The following GLIS1 variants were observed in gnomAD, a reference collection of about 807,000 sequenced individuals.
GLIS1 encodes the protein GLIS family zinc finger 1.
GLIS1 carries 24 observed loss-of-function variants against 63.8 expected under a neutral mutation model. That is an observed-to-expected ratio of 0.38 (90% confidence interval 0.27 to 0.53). The LOEUF (loss-of-function observed/expected upper bound fraction) is 0.53, where lower values mean the gene tolerates loss of function less well. Among genes scored for constraint, GLIS1 ranks in the 20% least tolerant of loss-of-function variants. The pLI is 0.85. For synonymous variants in GLIS1, 450 were observed against 482.5 expected, an observed-to-expected ratio of 0.93 and a Z score of 0.88; for missense variants, 1,036 against 1,074.1, an observed-to-expected ratio of 0.96 and a Z score of 0.50.
intron 2 of GLIS1, among the ~76,000 whole-genome samples, chr1:53,629,705 G>C (rs777320840): frequency 4.9e-4 from 75 of 152,316 alleles, no homozygotes; most frequent in Non-Finnish European, 2.4e-4. Flanking sequence ...CAAGAGGCCT[G>C]ACCTTCCTCA....
chr1:53,506,712 C>T lies in GLIS1; in HGVS notation c.2295G>A (p.Val765=). 6.2e-7 allele frequency: 1 copy of T among 1,613,402 alleles called. No homozygotes were observed. The change falls in exon 11 of 11, where the codon GTG becomes GTA. Residue 765 remains valine (V), a synonymous_variant. Transcript: ENST00000628545. ...TALPQQPSED[V]VSSGPEDCGF... ...CACAGTCCTCGGGGCCGCTGGACACCACATCTTCAGATGGCTGCTGTGGCA... is the reference window on the plus strand; with the variant it reads ...CACAGTCCTCGGGGCCGCTGGACACTACATCTTCAGATGGCTGCTGTGGCA...
intron 2 of GLIS1, among the ~76,000 whole-genome samples, chr1:53,716,501 G>A (rs1526910): frequency 0.26 from 39,925 of 152,016 alleles, 5,662 homozygotes; most frequent in African/African-American, 0.37. Flanking sequence ...GTGGAACTCA[G>A]ATGAAATGAA....
intron 3 of GLIS1, among the ~76,000 whole-genome samples, chr1:53,596,638 C>T (rs938321229): frequency 4.6e-5 from 7 of 152,154 alleles, no homozygotes; most frequent in South Asian, 2.1e-4. Context: ...GCAGCCAGAG[C>T]TGTGGGGTCA....
At chr1:53,706,637 T>C (rs1311588110) in intron 2 of GLIS1, among the ~76,000 whole-genome samples, 1 of 152,236 alleles carries the variant, frequency 6.6e-6, no homozygotes, top group East Asian at 1.9e-4. Flanking sequence ...TTATCGGCCT[T>C]TAATGTCTCA....
chr1:53,729,902 G>A (rs1646842734), intron 2 of GLIS1, among the ~76,000 whole-genome samples: 1 of 152,184 alleles, frequency 6.6e-6, no homozygotes, highest in South Asian at 2.1e-4. Context: ...CCTGGGCTTT[G>A]CACTCAAATA....
chr1:53,558,070 AGTGCCCAGCCCTGCAG>A (rs1644850395), intron 4 of GLIS1, among the ~76,000 whole-genome samples: 1 of 152,220 alleles, frequency 6.6e-6, no homozygotes, highest in Non-Finnish European at 1.5e-5. Context: ...AGGGGCTGGC[AGTGCCCAGCCCTGCAG>A]TGGGTACTGC....
intron 4 of GLIS1, among the ~76,000 whole-genome samples, chr1:53,573,368 C>T (rs1645001976): frequency 6.6e-6 from 1 of 152,070 alleles, no homozygotes; most frequent in African/African-American, 2.4e-5. Flanking sequence ...GGGAGACCCT[C>T]CACCCCCTCC....
chr1:53,555,654 T>C (rs1343106908), intron 4 of GLIS1, among the ~76,000 whole-genome samples: 1 of 152,264 alleles, frequency 6.6e-6, no homozygotes, highest in Admixed American at 6.5e-5. Flanking sequence ...TACATGCCTG[T>C]ATCAAAATAG....
At position 53,506,543 on chromosome 1, in the gene GLIS1, C is replaced by T. The variant is rs1022939087; in HGVS notation, c.*76G>A. 1.1e-4 allele frequency: 160 copies of T among 1,480,578 alleles called. No individual in the cohort carries two copies. Among genetic ancestry groups the T allele is most frequent in the Non-Finnish European group, 1.4e-4 (148 of 1,072,496 alleles). The allele number at this position is 1,480,578 out of a possible 1,614,324, so 91.7% of individuals were successfully genotyped here. On this transcript the variant is annotated 3_prime_UTR_variant, in exon 11 of 11. Coordinates refer to ENST00000628545, the MANE Select transcript of GLIS1 (RefSeq NM_001367484.1). ...TGGCCTGGCACTCCTGCTAGGTGCACGGAGGGTGGGAGCGACAGCAGGTGG... is the reference window on the plus strand; with the variant it reads ...TGGCCTGGCACTCCTGCTAGGTGCATGGAGGGTGGGAGCGACAGCAGGTGG...
At chr1:53,564,430 A>G (rs1354726844) in intron 4 of GLIS1, among the ~76,000 whole-genome samples, 1 of 152,242 alleles carries the variant, frequency 6.6e-6, no homozygotes, top group Non-Finnish European at 1.5e-5. Flanking sequence ...AAGGAAGCAT[A>G]GGAAAAAGCA....
Position 53,507,864 on chromosome 1 carries a change from T to C in GLIS1, c.2231-1088A>G, listed in dbSNP as rs534525923. 5.9e-5 allele frequency among the ~76,000 whole-genome samples: 9 copies of C among 151,722 alleles called. No individual in the cohort carries two copies. The South Asian group carries it at 1.9e-3, about 32-fold the overall frequency. On this transcript the variant is annotated intron_variant, in intron 10 of 10. Transcript: ENST00000628545. ...AAATCCCATGTGGGCTGGATGGGGG[T>C]GGGGAGGACAAGATGGGGAGAGCCC...
At position 53,560,113 on chromosome 1, in the gene GLIS1, A is replaced by T. The variant is rs551704477; in HGVS notation, c.1321-30161T>A. 1.2e-3 allele frequency among the ~76,000 whole-genome samples: 186 copies of T among 152,296 alleles called. No homozygotes were observed. In the South Asian group the frequency reaches 0.012, roughly 10 times the overall value. On this transcript the variant is annotated intron_variant, in intron 4 of 10. Coordinates refer to ENST00000628545, the MANE Select transcript of GLIS1 (RefSeq NM_001367484.1). This position sits in a 1 kb window ranked among gnomAD's most constrained non-coding sequence, Gnocchi z 4.4. ...GCAGGATGAAGCACACACACAACATAAGGAATTTCTAACCAGGACTCTGCT... is the reference window on the plus strand; with the variant it reads ...GCAGGATGAAGCACACACACAACATTAGGAATTTCTAACCAGGACTCTGCT...
intron 4 of GLIS1, among the ~76,000 whole-genome samples, chr1:53,576,712 A>G (rs1298734844): frequency 6.6e-6 from 1 of 152,158 alleles, no homozygotes; most frequent in East Asian, 1.9e-4. Flanking sequence ...GTGCACACAC[A>G]TATGCACACA....
intron 2 of GLIS1, among the ~76,000 whole-genome samples, chr1:53,625,033 A>G (rs1298590553): frequency 6.6e-6 from 1 of 152,202 alleles, no homozygotes; most frequent in African/African-American, 2.4e-5. Context: ...AGGGCTGATG[A>G]CTGCTCTATC....
At chr1:53,738,148 CG>C (rs1646931735) in intron 1 of GLIS1, 42 bp from the exon 2 acceptor site, 3 of 1,153,798 alleles carry the variant, frequency 2.6e-6, no homozygotes, top group African/African-American at 3.2e-5. Flanking sequence ...ATGCGGAAAG[CG>C]GCCCCCGTAT....
At chr1:53,717,798 C>G (rs565620398) in intron 2 of GLIS1, among the ~76,000 whole-genome samples, 1 of 152,260 alleles carries the variant, frequency 6.6e-6, no homozygotes, top group African/African-American at 2.4e-5. Flanking sequence ...TTTGTGAGTA[C>G]AGACATTTTT....
chr1:53,627,973 T>TAGCCCTTGC (rs1333288441), intron 2 of GLIS1, among the ~76,000 whole-genome samples: 1 of 152,238 alleles, frequency 6.6e-6, no homozygotes, highest in East Asian at 1.9e-4. Context: ...CCCTTGCTCT[T>TAGCCCTTGC]TCTGCCCAAT....
chr1:53,521,287 G>A lies in GLIS1; in HGVS notation c.1594-521C>T, dbSNP rs181192934. On this transcript the variant is annotated intron_variant, in intron 6 of 10. Coordinates refer to ENST00000628545, the MANE Select transcript of GLIS1 (RefSeq NM_001367484.1). ...CAGGTGCGTTCTGTGCAGCCGCACC[G>A]GTGAATGGACGCGGTAGGAATAAAG... Among the ~76,000 whole-genome samples, 297 of 152,280 alleles carry A rather than the reference G, an allele frequency of 2.0e-3. 2 individuals are homozygous for A. Among genetic ancestry groups the A allele is most frequent in the Admixed American group, 5.4e-3 (83 of 15,306 alleles).
chr1:53,709,415 C>T (rs61774779), intron 2 of GLIS1, among the ~76,000 whole-genome samples: 1,588 of 122,656 alleles, frequency 0.013, 39 homozygotes, highest in African/African-American at 0.036. Context: ...TATATATACA[C>T]ACACACACAC....
Sources: allele counts gnomAD v4.1 joint callset (sites outside exome capture counted in the v4.1 genomes callset), GRCh38; gene constraint gnomAD v4.1.1; non-coding constraint Gnocchi (gnomAD v3.1); transcripts MANE v1.5; gene names NCBI Gene and HGNC (gene_info 2026-07-23, HGNC 2026-07-21).